The following ASTN2 variants were observed in gnomAD, a reference collection of about 807,000 sequenced individuals.
ASTN2 encodes astrotactin 2.
ASTN2 carries 54 observed loss-of-function variants against 139.8 expected under a neutral mutation model. That is an observed-to-expected ratio of 0.39 (90% CI 0.31 to 0.48). The LOEUF (loss-of-function observed/expected upper bound fraction) is 0.48. ASTN2 is among the 20% of genes least tolerant of loss of function. The pLI is 0.95. For synonymous variants in ASTN2, 756 were observed against 719.5 expected (o/e 1.05, Z -0.81); for missense variants, 1,565 against 1,725.1 (o/e 0.91, Z 1.64).
intron 10 of ASTN2, among the ~76,000 whole-genome samples, chr9:116,913,354 C>T (rs1036004891): frequency 2.6e-5 from 4 of 152,206 alleles, no homozygotes; most frequent in African/African-American, 9.7e-5. Flanking sequence ...CTCTCTCAGC[C>T]TCAACCCCCA....
intron 20 of ASTN2, among the ~76,000 whole-genome samples, chr9:116,479,495 G>T (rs2119048913): frequency 6.6e-6 from 1 of 152,252 alleles, no homozygotes; most frequent in African/African-American, 2.4e-5. Context: ...TTTGGAATAG[G>T]ATTGTTGGGC....
intron 11 of ASTN2, among the ~76,000 whole-genome samples, chr9:116,839,887 T>TATTATTATTATTATTA (rs1564297225): frequency 3.3e-5 from 3 of 91,452 alleles, no homozygotes; most frequent in African/African-American, 1.6e-4. Context: ...TATTATTTTT[T>TATTATTATTATTATTA]TTTTTTTAAT....
chr9:116,938,728 T>G (rs1196694101), intron 10 of ASTN2, among the ~76,000 whole-genome samples: 1 of 152,208 alleles, frequency 6.6e-6, no homozygotes, highest in African/African-American at 2.4e-5. Context: ...TATCACAATA[T>G]TGTTTTCTTC....
intron 19 of ASTN2, among the ~76,000 whole-genome samples, chr9:116,592,168 T>C (rs1017339959): frequency 6.6e-6 from 1 of 152,196 alleles, no homozygotes; most frequent in African/African-American, 2.4e-5. Context: ...GGATTTAACA[T>C]AGTACCAGTG....
At chr9:116,705,566 A>G (rs1039671663) in intron 16 of ASTN2, among the ~76,000 whole-genome samples, 1 of 152,192 alleles carries the variant, frequency 6.6e-6, no homozygotes, top group Non-Finnish European at 1.5e-5. Context: ...GAATATCAAA[A>G]CCTGAGATTC....
rs761083431 is a variant in ASTN2 at position 116,881,541 on chromosome 9, C to T, written c.1890-17808G>A. On this transcript the variant is annotated intron_variant, in intron 10 of 22. Transcript: ENST00000313400. ...CTACCTCTCAGGACTGATATTAAAA[C>T]AAAAATGATAAGCCACTTAAAGCAC... Among the ~76,000 whole-genome samples the T allele has an allele frequency of 1.6e-3, 237 of 152,304 alleles. 3 individuals carry two copies. The highest frequency in any genetic ancestry group is 6.8e-3 in the Middle Eastern group (2 of 294).
At chr9:117,089,218 C>T (rs180992291) in intron 5 of ASTN2, among the ~76,000 whole-genome samples, 3 of 152,238 alleles carry the variant, frequency 2.0e-5, no homozygotes, top group Admixed American at 2.0e-4. Flanking sequence ...GTTGAGGTCC[C>T]GAGGGAGCAC....
intron 17 of ASTN2, among the ~76,000 whole-genome samples, chr9:116,647,923 G>A (rs1004436577): frequency 2.0e-5 from 3 of 151,962 alleles, no homozygotes; most frequent in Admixed American, 6.5e-5. Context: ...CGCTTGATGC[G>A]CTCAAGCGAT....
intron 1 of ASTN2, among the ~76,000 whole-genome samples, chr9:117,413,142 T>C (rs568838635): frequency 8.5e-5 from 13 of 152,344 alleles, no homozygotes; most frequent in African/African-American, 3.1e-4. Flanking sequence ...CCACTGGCAC[T>C]CGCTCAAATC....
intron 19 of ASTN2, chr9:116,550,949 T>A (rs748348323): frequency 6.6e-6 from 1 of 152,250 alleles, no homozygotes; most frequent in African/African-American, 2.4e-5. Context: ...GGAAGCCGCA[T>A]GTACTCAGGG....
intron 3 of ASTN2, among the ~76,000 whole-genome samples, chr9:117,178,729 C>T (rs1331017313): frequency 6.6e-6 from 1 of 152,234 alleles, no homozygotes; most frequent in Non-Finnish European, 1.5e-5. Context: ...AGAGAAGACG[C>T]AGGCAGGGAA....
At chr9:116,854,321 C>A (rs568950229) in intron 11 of ASTN2, among the ~76,000 whole-genome samples, 1 of 152,164 alleles carries the variant, frequency 6.6e-6, no homozygotes, top group Non-Finnish European at 1.5e-5. Context: ...TAGCCCATTG[C>A]GTATGCATTC....
rs2133022774 is a variant in ASTN2, at chr9:117,214,752, G to A, written c.631-10C>T. ...GCGCGATGAGGCCACCCTGGAGCAG[G>A]AAGGAAGGACACACAAATGGGCCAC... On this transcript the variant is annotated splice_polypyrimidine_tract_variant and intron_variant, in intron 2 of 22. Coordinates refer to ENST00000313400, the MANE Select transcript of ASTN2 (RefSeq NM_001365068.1). 6.8e-7 allele frequency: 1 copy of A among 1,475,522 alleles called. No individual in the cohort carries two copies. Among genetic ancestry groups the A allele is most frequent in the Non-Finnish European group, 9.0e-7 (1 of 1,113,040 alleles). 91.4% of individuals were successfully genotyped at this position (1,475,522 alleles called of 1,614,324 possible).
At chr9:116,551,814 G>A (rs1425328980) in intron 19 of ASTN2, among the ~76,000 whole-genome samples, 2 of 152,192 alleles carry the variant, frequency 1.3e-5, no homozygotes, top group African/African-American at 2.4e-5. Context: ...GACAGTATGA[G>A]AGGGTAAGAA....
intron 1 of ASTN2, among the ~76,000 whole-genome samples, chr9:117,393,685 C>A (rs1266858266): frequency 6.6e-6 from 1 of 152,156 alleles, no homozygotes; most frequent in African/African-American, 2.4e-5. Context: ...ACAGTTCCAT[C>A]CGCTCCTGTC....
chr9:116,815,804 CAAAAAAAAAAAAAA>C (rs55954354), intron 12 of ASTN2, among the ~76,000 whole-genome samples: 1 of 24,108 alleles, frequency 4.1e-5, no homozygotes, highest in Non-Finnish European at 6.7e-5. Context: ...GACTCCGTCT[CAAAAAAAAAAAAAA>C]AAAAAAAAAA....
rs1175817043 is a variant in ASTN2 at position 116,805,652 on chromosome 9, T to G, written c.2376A>C (p.Gln792His). Residue 792 changes from glutamine to histidine, a missense_variant, in exon 13 of 23, where the codon CAA (glutamine) becomes CAC (histidine). Gln to His is a conservative substitution (Grantham distance 24). Coordinates refer to ENST00000313400, the MANE Select transcript of ASTN2 (RefSeq NM_001365068.1). ...CATACCTAAAGGTCATCTGGAAGAC[T>G]TGGCCTTGGTTCACATGCTGGGTCC... ...NNRTQHVNQG[Q>H]VFQMTFRENN... The G allele has an allele frequency of 1.2e-6, 2 of 1,613,860 alleles. No individual in the cohort carries two copies. The highest frequency in any genetic ancestry group is 1.7e-6 in the Non-Finnish European group (2 of 1,179,800).
At chr9:117,394,412 A>T (rs1179518076) in intron 1 of ASTN2, among the ~76,000 whole-genome samples, 1 of 152,188 alleles carries the variant, frequency 6.6e-6, no homozygotes, top group Non-Finnish European at 1.5e-5. Flanking sequence ...ATAGCCACAT[A>T]TGGCTAGTGG....
At chr9:117,118,534 ATT>A (rs1405297354) in intron 4 of ASTN2, among the ~76,000 whole-genome samples, 2 of 152,184 alleles carry the variant, frequency 1.3e-5, no homozygotes, top group African/African-American at 2.4e-5. Flanking sequence ...AGGCTTCTAC[ATT>A]TATATTCCCA....
Sources: gnomAD v4.1 joint callset for allele counts (sites outside exome capture counted in the v4.1 genomes callset) on GRCh38, gnomAD v4.1.1 for gene constraint, MANE v1.5 for transcripts, NCBI Gene and HGNC (gene_info 2026-07-23, HGNC 2026-07-21) for gene names.